Variants in PXDNL observed in about 807,000 individuals in gnomAD.
The protein encoded by PXDNL is probable oxidoreductase PXDNL.
A neutral mutation model predicts 150.8 loss-of-function variants in PXDNL; 145 were observed. The observed-to-expected ratio is 0.96, with a 90% CI of 0.84 to 1.10. The LOEUF (loss-of-function observed/expected upper bound fraction) is 1.10. Ranked by LOEUF, PXDNL falls within the 50% of genes least tolerant of loss-of-function variation. PXDNL has a pLI of 0.00. For synonymous variants in PXDNL, 757 were observed against 725.7 expected (o/e 1.04, Z -0.69); for missense variants, 2,087 against 1,873.9 (o/e 1.11, Z -2.10).
At chr8:51,577,991 GAAAGAA>G (rs67326527) in intron 3 of PXDNL, among the ~76,000 whole-genome samples, 1 of 55,782 alleles carries the variant, frequency 1.8e-5, no homozygotes, top group Non-Finnish European at 3.7e-5. Flanking sequence ...AAGAAAGAAA[GAAAGAA>G]AGAGGAAGGA....
intron 2 of PXDNL, among the ~76,000 whole-genome samples, chr8:51,636,183 C>T (rs1313382482): frequency 6.6e-6 from 1 of 151,902 alleles, no homozygotes; most frequent in Non-Finnish European, 1.5e-5. Flanking sequence ...ACTCAAAAAA[C>T]AAGTAATAGC....
Position 51,592,714 on chromosome 8 carries a change from C to T in PXDNL, c.237-16G>A. 6.5e-7 allele frequency: 1 copy of T among 1,531,154 alleles called. No homozygotes were observed. The highest frequency in any genetic ancestry group is 1.2e-5 in the South Asian group (1 of 81,890). 94.8% of individuals were successfully genotyped at this position (1,531,154 alleles called of 1,614,324 possible). A position where few individuals can be genotyped will look rare whatever the true frequency, so the allele number is the denominator to read the frequency against. ...GTTCAGCAGACTGAAAAAGCAAAAA[C>T]AAACAAATAATTCCCAAATGAGAAA... On this transcript the variant is annotated splice_polypyrimidine_tract_variant and intron_variant, in intron 2 of 22. Coordinates refer to ENST00000356297, the MANE Select transcript of PXDNL (RefSeq NM_144651.5).
chr8:51,660,555 T>C (rs1815250637), intron 1 of PXDNL, among the ~76,000 whole-genome samples: 1 of 152,176 alleles, frequency 6.6e-6, no homozygotes. Flanking sequence ...TACTTGTTTG[T>C]CTCAAATCCG....
intron 12 of PXDNL, among the ~76,000 whole-genome samples, chr8:51,439,373 G>C (rs1033915788): frequency 2.1e-4 from 32 of 152,034 alleles, no homozygotes; most frequent in Non-Finnish European, 3.8e-4. Flanking sequence ...GCAAAAATGT[G>C]ATACCACCTT....
At chr8:51,638,229 C>T (rs1338438507) in intron 2 of PXDNL, among the ~76,000 whole-genome samples, 1 of 152,154 alleles carries the variant, frequency 6.6e-6, no homozygotes, top group Non-Finnish European at 1.5e-5. Context: ...ACAACCGGTA[C>T]CAGCCACTGC....
At chr8:51,658,344 G>GAAAAAAAAAAAAAAA (rs34771782) in intron 1 of PXDNL, among the ~76,000 whole-genome samples, 1 of 94,232 alleles carries the variant, frequency 1.1e-5, no homozygotes, top group Non-Finnish European at 2.1e-5. Flanking sequence ...CCTGTCTCAA[G>GAAAAAAAAAAAAAAA]AAAAAAAAAA....
intron 1 of PXDNL, among the ~76,000 whole-genome samples, chr8:51,741,874 A>G (rs1022570524): frequency 6.6e-6 from 1 of 152,240 alleles, no homozygotes; most frequent in African/African-American, 2.4e-5. Flanking sequence ...TGACCCAGCA[A>G]TTACTCTATT....
At chr8:51,763,789 A>C (rs1364181031) in intron 1 of PXDNL, among the ~76,000 whole-genome samples, 1 of 152,222 alleles carries the variant, frequency 6.6e-6, no homozygotes, top group African/African-American at 2.4e-5. Context: ...CCTCCAAAAA[A>C]AATTATCCAT....
At chr8:51,772,832 C>A (rs912259401) in intron 1 of PXDNL, among the ~76,000 whole-genome samples, 3 of 152,122 alleles carry the variant, frequency 2.0e-5, no homozygotes, top group African/African-American at 7.2e-5. Context: ...ACAGGGAGTG[C>A]CACAGGAGTG....
chr8:51,320,290 C>T (rs1805278306), intron 22 of PXDNL, among the ~76,000 whole-genome samples: 1 of 152,194 alleles, frequency 6.6e-6, no homozygotes, highest in African/African-American at 2.4e-5. Flanking sequence ...TCATGCATTT[C>T]TACATGGCTG....
At chr8:51,746,993 G>C (rs959785794) in intron 1 of PXDNL, among the ~76,000 whole-genome samples, 4 of 152,212 alleles carry the variant, frequency 2.6e-5, no homozygotes, top group African/African-American at 9.7e-5. Flanking sequence ...AAAGTTCTGG[G>C]ATTAAAGCGT....
chr8:51,491,422 A>G (rs1300185911), intron 5 of PXDNL, among the ~76,000 whole-genome samples: 1 of 152,054 alleles, frequency 6.6e-6, no homozygotes, highest in Non-Finnish European at 1.5e-5. Flanking sequence ...GCTCTATTTT[A>G]TGATATGATT....
intron 1 of PXDNL, among the ~76,000 whole-genome samples, chr8:51,696,798 T>TCCACACACATCCACACACGC (rs1816148472): frequency 2.6e-4 from 1 of 3,798 alleles, no homozygotes; most frequent in Non-Finnish European, 5.8e-4. Flanking sequence ...CACCCACACA[T>TCCACACACATCCACACACGC]AGGTCTTCAC....
chr8:51,351,081 T>G (rs1170468498), intron 19 of PXDNL, among the ~76,000 whole-genome samples: 1 of 152,246 alleles, frequency 6.6e-6, no homozygotes, highest in East Asian at 1.9e-4. Flanking sequence ...TTCTTCATAC[T>G]CTTACTGGTA....
chr8:51,729,147 T>G (rs1280943714), intron 1 of PXDNL, among the ~76,000 whole-genome samples: 1 of 152,160 alleles, frequency 6.6e-6, no homozygotes, highest in Non-Finnish European at 1.5e-5. Context: ...CTACCCCCAT[T>G]GTTAAGTAAC....
At chr8:51,642,298 G>T (rs1814781057) in intron 2 of PXDNL, among the ~76,000 whole-genome samples, 1 of 151,970 alleles carries the variant, frequency 6.6e-6, no homozygotes, top group Non-Finnish European at 1.5e-5. Flanking sequence ...ATGGGCACAT[G>T]TATACATATG....
At chr8:51,347,812 C>G (rs1175676865) in intron 19 of PXDNL, among the ~76,000 whole-genome samples, 2 of 152,078 alleles carry the variant, frequency 1.3e-5, no homozygotes, top group Non-Finnish European at 2.9e-5. Flanking sequence ...AAGGGACCCA[C>G]AGGTGCTTAT....
At chr8:51,578,118 G>T (rs1813129062) in intron 3 of PXDNL, among the ~76,000 whole-genome samples, 1 of 139,748 alleles carries the variant, frequency 7.2e-6, no homozygotes, top group Non-Finnish European at 1.5e-5. Context: ...AAGAAAGAAA[G>T]AAGGAAAGAA....
At chr8:51,661,179 G>A (rs1255472962) in intron 1 of PXDNL, among the ~76,000 whole-genome samples, 2 of 152,126 alleles carry the variant, frequency 1.3e-5, no homozygotes, top group Non-Finnish European at 2.9e-5. Flanking sequence ...CATCTTGCCC[G>A]ATTCCCAGTC....
Sources: gnomAD v4.1 joint callset for allele counts (sites outside exome capture counted in the v4.1 genomes callset) on GRCh38, gnomAD v4.1.1 for gene constraint, MANE v1.5 for transcripts, NCBI Gene and HGNC (gene_info 2026-07-23, HGNC 2026-07-21) for gene names.